The following IMMP2L variants were observed in gnomAD, a reference collection of about 807,000 sequenced individuals.
IMMP2L encodes the protein mitochondrial inner membrane protease subunit 2.
Under a neutral mutation model 19.3 loss-of-function variants are expected in IMMP2L, and 18 were observed. That is an observed-to-expected ratio of 0.93 (90% CI 0.64 to 1.38). The LOEUF (loss-of-function observed/expected upper bound fraction) is 1.38. Among genes scored for constraint, IMMP2L ranks in the 40% most tolerant of loss-of-function variants. IMMP2L has a pLI of 0.00. For missense variants in IMMP2L, 233 were observed against 218.2 expected (o/e 1.07, Z -0.43); for synonymous variants, 76 against 73.0 (o/e 1.04, Z -0.21).
chr7:110,912,294 T>C (rs1022414877), intron 4 of IMMP2L, among the ~76,000 whole-genome samples: 1 of 152,046 alleles, frequency 6.6e-6, no homozygotes, highest in African/African-American at 2.4e-5. Context: ...CATAAGAGCA[T>C]GTGTATGAGA....
intron 3 of IMMP2L, chr7:111,091,248 A>G (rs1796830777): frequency 6.6e-6 from 1 of 152,224 alleles, no homozygotes; most frequent in Non-Finnish European, 1.5e-5. Context: ...GCCGACTGAG[A>G]AAAAGAGTTC....
chr7:111,473,429 C>T (rs1338503834), intron 3 of IMMP2L, among the ~76,000 whole-genome samples: 2 of 152,156 alleles, frequency 1.3e-5, no homozygotes, highest in African/African-American at 4.8e-5. Flanking sequence ...CTGAGCTTTA[C>T]CACATCCTTA....
Position 111,556,027 on chromosome 7 carries a change from TATATATATAC to T in IMMP2L, c.-3+5814_-3+5823del, listed in dbSNP as rs1409828204. On this transcript the variant is annotated intron_variant, in intron 1 of 5. Transcript: ENST00000405709. ...CCTCTTCTGTGTGCATGTATATATA[TATATATATAC>T]ATACCCAAAGAAAATGAAACCGCAA... 1.9e-4 allele frequency among the ~76,000 whole-genome samples: 25 copies of T among 132,982 alleles called. 1 individual carries two copies. Among genetic ancestry groups the T allele is most frequent in the East Asian group, 7.1e-4 (3 of 4,210 alleles). 87.2% of individuals were successfully genotyped at this position (132,982 alleles called of 152,430 possible). A position where few individuals can be genotyped will look rare whatever the true frequency, so the allele number is the denominator to read the frequency against.
chr7:111,373,566 T>C lies in IMMP2L; in HGVS notation c.239+113672A>G, dbSNP rs139191940. On this transcript the variant is annotated intron_variant, in intron 3 of 5. Transcript: ENST00000405709. Reference sequence around the variant, plus strand: ...AGCTGCTCTGGGGCAGACATTTCAATTTGTCTGTTTTCTTGACAACTTCAG... The same window carrying C: ...AGCTGCTCTGGGGCAGACATTTCAACTTGTCTGTTTTCTTGACAACTTCAG... Among the ~76,000 whole-genome samples the C allele has an allele frequency of 1.6e-3, 251 of 152,180 alleles. 1 individual carries two copies. The highest frequency in any genetic ancestry group is 5.7e-3 in the African/African-American group (236 of 41,546).
intron 3 of IMMP2L, among the ~76,000 whole-genome samples, chr7:111,311,563 A>G (rs1823519260): frequency 1.3e-5 from 2 of 152,102 alleles, no homozygotes; most frequent in Non-Finnish European, 2.9e-5. Context: ...GATTTTTGGT[A>G]TGTATTTGTA....
chr7:111,554,599 C>T (rs1209307382), intron 1 of IMMP2L, among the ~76,000 whole-genome samples: 2 of 151,832 alleles, frequency 1.3e-5, no homozygotes, highest in Admixed American at 6.6e-5. Context: ...TCCCTCAAAG[C>T]ATTGCTTTAT....
chr7:111,105,120 T>A (rs1798401009), intron 3 of IMMP2L, among the ~76,000 whole-genome samples: 1 of 151,888 alleles, frequency 6.6e-6, no homozygotes, highest in Admixed American at 6.6e-5. Context: ...TATTCTTAAC[T>A]CTGTAGACTG....
At chr7:110,785,459 T>C (rs979371523) in intron 5 of IMMP2L, among the ~76,000 whole-genome samples, 1 of 151,936 alleles carries the variant, frequency 6.6e-6, no homozygotes, top group African/African-American at 2.4e-5. Flanking sequence ...TCTTTTTCAG[T>C]ATTAGGACTA....
intron 3 of IMMP2L, among the ~76,000 whole-genome samples, chr7:110,995,084 T>G (rs375025774): frequency 6.6e-6 from 1 of 152,104 alleles, no homozygotes; most frequent in Non-Finnish European, 1.5e-5. Context: ...AAGAGCACCA[T>G]AGAAGTACAA....
intron 5 of IMMP2L, among the ~76,000 whole-genome samples, chr7:110,810,246 T>A (rs1439299259): frequency 6.6e-6 from 1 of 152,106 alleles, no homozygotes; most frequent in Admixed American, 6.6e-5. Flanking sequence ...TAAAAAGGAC[T>A]ATAAGAGAAT....
chr7:110,721,915 T>C (rs142041288), intron 5 of IMMP2L, among the ~76,000 whole-genome samples: 1 of 152,192 alleles, frequency 6.6e-6, no homozygotes, highest in Non-Finnish European at 1.5e-5. Context: ...AACAAAGTTG[T>C]AAACAATCAT....
intron 3 of IMMP2L, among the ~76,000 whole-genome samples, chr7:111,391,298 C>T (rs929761761): frequency 6.6e-6 from 1 of 152,128 alleles, no homozygotes; most frequent in Non-Finnish European, 1.5e-5. Context: ...ACAGGCTACT[C>T]TCTAGTCTGC....
intron 2 of IMMP2L, among the ~76,000 whole-genome samples, chr7:111,504,842 C>A (rs1380170387): frequency 7.9e-5 from 12 of 151,292 alleles, no homozygotes; most frequent in East Asian, 1.9e-4. Flanking sequence ...TAAAGACTTA[C>A]ATGTTAGACC....
intron 3 of IMMP2L, among the ~76,000 whole-genome samples, chr7:111,227,141 T>G (rs1813191410): frequency 6.6e-6 from 1 of 152,084 alleles, no homozygotes; most frequent in African/African-American, 2.4e-5. Flanking sequence ...GATATCATTC[T>G]CTGGCATTGG....
intron 3 of IMMP2L, among the ~76,000 whole-genome samples, chr7:111,008,200 T>C (rs1172422529): frequency 6.6e-6 from 1 of 152,060 alleles, no homozygotes; most frequent in Non-Finnish European, 1.5e-5. Context: ...AATTGTTATA[T>C]TCCTTTGCTC....
intron 5 of IMMP2L, among the ~76,000 whole-genome samples, chr7:110,677,340 T>C (rs776871711): frequency 3.3e-5 from 5 of 152,150 alleles, no homozygotes; most frequent in Admixed American, 1.3e-4. Flanking sequence ...TTAAAAAGAT[T>C]AAAGCATATA....
chr7:111,226,924 T>C (rs538213264), intron 3 of IMMP2L, among the ~76,000 whole-genome samples: 2 of 152,158 alleles, frequency 1.3e-5, no homozygotes, highest in Middle Eastern at 3.4e-3. Context: ...AAATTTATTG[T>C]TCAAGATAAT....
intron 5 of IMMP2L, among the ~76,000 whole-genome samples, chr7:110,694,477 A>C (rs937120553): frequency 6.6e-6 from 1 of 152,200 alleles, no homozygotes; most frequent in Non-Finnish European, 1.5e-5. Context: ...GAAAAGAAAA[A>C]GTAATATTTA....
At chr7:110,818,426 A>C (rs914566730) in intron 5 of IMMP2L, among the ~76,000 whole-genome samples, 1 of 152,174 alleles carries the variant, frequency 6.6e-6, no homozygotes, top group Non-Finnish European at 1.5e-5. Context: ...ACCATCTCAC[A>C]TCAGTTAGAA....
Sources: allele counts gnomAD v4.1 joint callset (sites outside exome capture counted in the v4.1 genomes callset), GRCh38; gene constraint gnomAD v4.1.1; transcripts MANE v1.5; gene names NCBI Gene and HGNC (gene_info 2026-07-23, HGNC 2026-07-21).